The following DENND5A variants were observed in gnomAD, a reference collection of about 807,000 sequenced individuals.
DENND5A encodes the protein DENN domain-containing protein 5A.
DENND5A carries 64 observed loss-of-function variants against 140.3 expected under a neutral mutation model. The ratio of observed to expected loss-of-function variants is 0.46; its 90% CI spans 0.37 to 0.56. The LOEUF (loss-of-function observed/expected upper bound fraction) is 0.56. Ranked by LOEUF, DENND5A falls within the 20% of genes least tolerant of loss-of-function variation. The pLI, the probability that DENND5A is intolerant of heterozygous loss-of-function variation, is 0.00. For synonymous variants in DENND5A, 605 were observed against 607.7 expected (o/e 1.00, Z 0.07); for missense variants, 1,292 against 1,593.8 (o/e 0.81, Z 3.22).
intron 1 of DENND5A, among the ~76,000 whole-genome samples, chr11:9,217,378 G>T (rs1251700620): frequency 6.6e-6 from 1 of 152,118 alleles, no homozygotes; most frequent in Non-Finnish European, 1.5e-5. Flanking sequence ...GCCAGGCGTG[G>T]TGGGGCACAC....
rs117508353 is a variant in DENND5A, at chr11:9,200,424, G to T, written c.949+3236C>A. Among the ~76,000 whole-genome samples, 39 of 152,326 alleles carry T rather than the reference G, an allele frequency of 2.6e-4. No individual in the cohort carries two copies. The East Asian group carries it at 7.1e-3, about 28-fold the overall frequency. On this transcript the variant is annotated intron_variant, in intron 4 of 22. Transcript: ENST00000328194. ...AACTTCGTATCTTAAACTAGAAGTT[G>T]CAAAGTGAAGCCTCAGGAACTACAT... is the stretch of plus-strand genomic sequence containing the variant.
chr11:9,215,404 T>C (rs1183421212), intron 1 of DENND5A, among the ~76,000 whole-genome samples: 4 of 152,136 alleles, frequency 2.6e-5, no homozygotes, highest in Admixed American at 6.5e-5. Context: ...CACATTGCCT[T>C]CCTTTTAGCC....
intron 2 of DENND5A, chr11:9,207,190 C>T: frequency 2.2e-6 from 1 of 460,142 alleles, no homozygotes; most frequent in Non-Finnish European, 4.0e-6. Context: ...TCAGAATAAA[C>T]TATGCATTTC....
chr11:9,264,862 C>T (rs950113980), intron 1 of DENND5A, 99 bp downstream of exon 1: 28 of 1,142,150 alleles, frequency 2.5e-5, no homozygotes, highest in Non-Finnish European at 3.0e-5. Context: ...CCGACACTCG[C>T]CCGGCTCCCG....
At position 9,204,295 on chromosome 11, in the gene DENND5A, G is replaced by T; in HGVS notation, c.314C>A (p.Ala105Glu). ...VGMLCMPKGL[A>E]FKTQADPREP... The stretch of plus-strand genomic sequence containing the variant: ...CCTGGGATCAGCCTGGGTCTTGAAT[G>T]CCAGCCCTTTCGGCATACATAGCTG... The change falls in exon 4 of 23, where the codon GCA becomes GAA. Residue 105 changes from alanine (A) to glutamate (E), a missense_variant. This residue lies in a region of DENND5A where 566 missense variants were observed against 650.4 expected (regional missense o/e 0.87). Transcript: ENST00000328194. The T allele has an allele frequency of 6.2e-7, 1 of 1,612,138 alleles. No homozygotes were observed. Among genetic ancestry groups the T allele is most frequent in the Non-Finnish European group, 8.5e-7 (1 of 1,179,920 alleles).
intron 11 of DENND5A, among the ~76,000 whole-genome samples, chr11:9,164,250 G>C (rs554790926): frequency 1.4e-3 from 153 of 110,718 alleles, no homozygotes; most frequent in Non-Finnish European, 2.3e-3. Context: ...ATGAGGTTTT[G>C]CCATGTTGCT....
intron 1 of DENND5A, among the ~76,000 whole-genome samples, chr11:9,219,234 G>A (rs1353072805): frequency 6.6e-6 from 1 of 152,038 alleles, no homozygotes; most frequent in Non-Finnish European, 1.5e-5. Flanking sequence ...CACAATGGAT[G>A]AAAACAGACC....
chr11:9,173,448 T>C (rs775563664), intron 8 of DENND5A, among the ~76,000 whole-genome samples: 1 of 152,222 alleles, frequency 6.6e-6, no homozygotes, highest in African/African-American at 2.4e-5. Flanking sequence ...GTTTATGACA[T>C]ATGTAAAAGT....
chr11:9,215,398 T>C (rs1006964115), intron 1 of DENND5A, among the ~76,000 whole-genome samples: 5 of 152,174 alleles, frequency 3.3e-5, no homozygotes, highest in African/African-American at 1.2e-4. Flanking sequence ...TTTGTTCACA[T>C]TGCCTTCCTT....
At chr11:9,181,884 C>T (rs1326888379) in intron 5 of DENND5A, among the ~76,000 whole-genome samples, 1 of 152,178 alleles carries the variant, frequency 6.6e-6, no homozygotes, top group African/African-American at 2.4e-5. Context: ...TTCTCTCTTT[C>T]TGAGCCTCAG....
chr11:9,220,417 C>T (rs1850263668), intron 1 of DENND5A, among the ~76,000 whole-genome samples: 1 of 151,872 alleles, frequency 6.6e-6, no homozygotes. Flanking sequence ...CGTGGTGGCA[C>T]ATGCCCGTAA....
intron 1 of DENND5A, among the ~76,000 whole-genome samples, chr11:9,229,357 T>C (rs1326123157): frequency 6.6e-6 from 1 of 151,950 alleles, no homozygotes; most frequent in Non-Finnish European, 1.5e-5. Context: ...GCTCAAAAAA[T>C]GATACCCCTA....
At chr11:9,258,583 C>T (rs898794543) in intron 1 of DENND5A, among the ~76,000 whole-genome samples, 1 of 148,756 alleles carries the variant, frequency 6.7e-6, no homozygotes, top group Non-Finnish European at 1.5e-5. Flanking sequence ...TTCTTTCTTA[C>T]CATGAAACAG....
At chr11:9,241,928 C>T (rs1564935404) in intron 1 of DENND5A, among the ~76,000 whole-genome samples, 1 of 150,730 alleles carries the variant, frequency 6.6e-6, no homozygotes, top group East Asian at 2.0e-4. Context: ...GCAGGAGAAT[C>T]GCTTGAATCT....
In DENND5A at chr11:9,265,033, T is replaced by C. The variant is rs1446217010; in HGVS notation, c.37A>G (p.Ser13Gly). 1 of 1,566,088 alleles carries C rather than the reference T, an allele frequency of 6.4e-7. No homozygotes were observed. Among genetic ancestry groups the C allele is most frequent in the East Asian group, 2.5e-5 (1 of 39,892 alleles). The change falls in exon 1 of 23, where the codon AGT becomes GGT. Residue 13 changes from serine (S) to glycine (G), a missense_variant. Around this residue, in one of 4 missense-constraint regions of DENND5A, gnomAD observed 566 missense variants for 650.4 expected, o/e 0.87. Transcript: ENST00000328194. The surrounding 1 kb of genome is among the most constrained non-coding windows in gnomAD (Gnocchi z 4.7). Reference sequence around the variant, plus strand: ...ATGACAAAGTAGTCGGCGAAGCGACTGGGCGCCGAGCCCCCTCCGCCGCCG... The same window carrying C: ...ATGACAAAGTAGTCGGCGAAGCGACCGGGCGCCGAGCCCCCTCCGCCGCCG... ...GGGGGGGSAP[S>G]RFADYFVICG...
intron 4 of DENND5A, among the ~76,000 whole-genome samples, chr11:9,195,020 C>CTTT (rs574310334): frequency 2.6e-4 from 31 of 119,120 alleles, no homozygotes; most frequent in African/African-American, 8.7e-4. Flanking sequence ...CCCAGCCAGC[C>CTTT]TTTTTTTTTT....
intron 11 of DENND5A, among the ~76,000 whole-genome samples, chr11:9,162,632 C>A (rs1189344666): frequency 6.6e-6 from 1 of 152,084 alleles, no homozygotes; most frequent in Non-Finnish European, 1.5e-5. Flanking sequence ...TGACCACTTA[C>A]CCAACGAAAC....
intron 1 of DENND5A, among the ~76,000 whole-genome samples, chr11:9,218,045 A>C (rs1211471613): frequency 3.9e-5 from 6 of 152,188 alleles, no homozygotes; most frequent in African/African-American, 1.4e-4. Context: ...GTTTGAGTCC[A>C]GGAGTTCAAG....
At chr11:9,261,044 T>A (rs1369733964) in intron 1 of DENND5A, among the ~76,000 whole-genome samples, 1 of 151,648 alleles carries the variant, frequency 6.6e-6, no homozygotes, top group Non-Finnish European at 1.5e-5. Flanking sequence ...GAGATAAGAG[T>A]CTTGCCGTGC....
Sources: gnomAD v4.1 joint callset for allele counts (sites outside exome capture counted in the v4.1 genomes callset) on GRCh38, gnomAD v4.1.1 for gene constraint, gnomAD v4.1.1 regional missense constraint, Gnocchi (gnomAD v3.1) non-coding constraint, MANE v1.5 for transcripts, NCBI Gene and HGNC (gene_info 2026-07-23, HGNC 2026-07-21) for gene names.